The following CROCC variants were observed in gnomAD, a reference collection of about 807,000 sequenced individuals.
CROCC encodes ciliary rootlet coiled-coil, rootletin.
A neutral mutation model predicts 245.2 loss-of-function variants in CROCC; 180 were observed. The observed-to-expected ratio is 0.73, with a 90% confidence interval of 0.65 to 0.83. The LOEUF is 0.83. Among genes scored for constraint, CROCC ranks in the 40% least tolerant of loss-of-function variants. CROCC has a pLI of 0.00. For missense variants in CROCC, 2,688 were observed against 2,779.4 expected (o/e 0.97, Z 0.74); for synonymous variants, 1,205 against 1,241.6 (o/e 0.97, Z 0.62).
chr1:16,946,766 GGAA>G lies in CROCC; in HGVS notation c.2293_2295del (p.Glu765del). 6.4e-7 allele frequency: 1 copy of G among 1,551,406 alleles called. No individual in the cohort carries two copies. The highest frequency in any genetic ancestry group is 2.0e-5 in the Admixed American group (1 of 51,010). The stretch of plus-strand genomic sequence containing the variant: ...CACTCCTACCTGGCCTCCAGCTGGA[GGAA>G]GAAAAGTCCGCCCTGCAGGGCCGGC... On this transcript the variant is annotated inframe_deletion, in exon 17 of 37. Transcript: ENST00000375541.
rs375987857 is a variant in CROCC, at chr1:16,914,909, G to A, written n.126-15377G>A. 1.1e-4 allele frequency among the ~76,000 whole-genome samples: 17 copies of A among 152,384 alleles called. No individual in the cohort carries two copies. In the East Asian group the frequency reaches 3.3e-3, roughly 29 times the overall value. On this transcript the variant is annotated intron_variant and non_coding_transcript_variant, in intron 1 of 8. Transcript: ENST00000466256. Reference sequence around the variant, plus strand: ...TTCAGGGTGCCATCTGTCTGTTTACGCCAGAAAACAGAGATTTCTGTTTTC... The same window carrying A: ...TTCAGGGTGCCATCTGTCTGTTTACACCAGAAAACAGAGATTTCTGTTTTC...
intron 12 of CROCC, among the ~76,000 whole-genome samples, chr1:16,939,403 T>C (rs2991725): frequency 9.9e-4 from 150 of 152,126 alleles, no homozygotes; most frequent in African/African-American, 3.5e-3. Flanking sequence ...CTTGGGCAGC[T>C]GGTGGAGGGA....
At chr1:16,938,779 C>A in intron 11 of CROCC, 130 bp from the exon 12 acceptor site, 1 of 953,332 alleles carries the variant, frequency 1.0e-6, no homozygotes, top group Non-Finnish European at 1.6e-6. Context: ...GAGGTGAAAT[C>A]AGGAAGGCTT....
intron 13 of CROCC, among the ~76,000 whole-genome samples, chr1:16,941,790 A>G (rs1206732728): frequency 6.6e-6 from 1 of 152,060 alleles, no homozygotes; most frequent in Non-Finnish European, 1.5e-5. Flanking sequence ...CATTTCAAGC[A>G]CTCATCAACC....
chr1:16,918,680 A>G (rs1353006616), upstream of CROCC, among the ~76,000 whole-genome samples: 2 of 150,978 alleles, frequency 1.3e-5, no homozygotes, highest in African/African-American at 4.9e-5. Flanking sequence ...GAGGTAGAAG[A>G]GTGGGCGTCC....
At chr1:16,932,311 A>G (rs1171677142) in intron 8 of CROCC, among the ~76,000 whole-genome samples, 3 of 152,224 alleles carry the variant, frequency 2.0e-5, no homozygotes, top group African/African-American at 7.2e-5. Flanking sequence ...ATAGTGGTGC[A>G]TGCCTGTAAT....
intron 13 of CROCC, among the ~76,000 whole-genome samples, chr1:16,942,400 T>C (rs1262780462): frequency 1.3e-5 from 2 of 152,298 alleles, no homozygotes; most frequent in Non-Finnish European, 2.9e-5. Flanking sequence ...AACCATCTAA[T>C]GAAAAGTTTG....
Position 16,930,316 on chromosome 1 carries a change from G to A in CROCC, c.652G>A (p.Ala218Thr), listed in dbSNP as rs372750456. Residue 218 changes from alanine to threonine, a missense_variant, in exon 6 of 37, where the codon GCC becomes ACC. Physicochemically the swap from Ala to Thr is moderately conservative, Grantham distance 58 (BLOSUM62 0). Around this residue, in one of 9 missense-constraint regions of CROCC, gnomAD observed 972 missense variants for 895.3 expected, o/e 1.09. Coordinates refer to ENST00000375541, the MANE Select transcript of CROCC (RefSeq NM_014675.5). Reference sequence around the variant, plus strand: ...AGAGCACAGCCAAGACCTGGAAAGCGCCCTCATCCGGCTGGAGGAGGAGCA... The same window carrying A: ...AGAGCACAGCCAAGACCTGGAAAGCACCCTCATCCGGCTGGAGGAGGAGCA... ...DTEHSQDLES[A>T]LIRLEEEQQR... 4.4e-5 allele frequency: 71 copies of A among 1,608,552 alleles called. No homozygotes were observed. Among genetic ancestry groups the A allele is most frequent in the Middle Eastern group, 2.1e-4 (1 of 4,724 alleles).
Position 16,922,803 on chromosome 1 carries a change from C to A in CROCC, c.196+5C>A. 1 of 1,610,140 alleles carries A rather than the reference C, an allele frequency of 6.2e-7. No individual in the cohort carries two copies. ...TCTCCCAGCCTGAGAGCCCAGGTGC[C>A]ACCCCCATCCGCTCCCCTCCACAAA... On this transcript the variant is annotated splice_donor_5th_base_variant and intron_variant, in intron 2 of 36. Transcript: ENST00000375541.
chr1:16,971,210 A>AGTGTGTGTGT (rs34364208), intron 35 of CROCC, among the ~76,000 whole-genome samples: 16 of 144,024 alleles, frequency 1.1e-4, no homozygotes, highest in Non-Finnish European at 1.8e-4. Flanking sequence ...ATGATGTCTG[A>AGTGTGTGTGT]GTGTGTGTGT....
In CROCC at chr1:16,966,610, C is replaced by A; in HGVS notation, c.4860+39C>A. 6.9e-7 allele frequency: 1 copy of A among 1,449,156 alleles called. No individual in the cohort carries two copies. Among genetic ancestry groups the A allele is most frequent in the East Asian group, 2.5e-5 (1 of 39,642 alleles). The allele number at this position is 1,449,156 out of a possible 1,614,324, so 89.8% of individuals were successfully genotyped here. A position where few individuals can be genotyped will look rare whatever the true frequency, so the allele number is the denominator to read the frequency against. On this transcript the variant is annotated intron_variant, in intron 30 of 36. Coordinates refer to ENST00000375541, the MANE Select transcript of CROCC (RefSeq NM_014675.5). The surrounding 1 kb of genome is among the most constrained non-coding windows in gnomAD (Gnocchi z 4.8). Reference sequence around the variant, plus strand: ...GAGGGCCAGCGGGGCGACGGGGAATCTGTGTACCCGAGTGAGTGTCTAACT... The same window carrying A: ...GAGGGCCAGCGGGGCGACGGGGAATATGTGTACCCGAGTGAGTGTCTAACT...
At chr1:16,935,306 C>T (rs1378202173) in intron 8 of CROCC, among the ~76,000 whole-genome samples, 35 of 152,338 alleles carry the variant, frequency 2.3e-4, no homozygotes, top group Non-Finnish European at 4.1e-4. Context: ...TTTGCATATA[C>T]GCCTGGTAAA....
rs570075704 is a variant in CROCC, at chr1:16,927,727, C to T, written c.352-2119C>T. Among the ~76,000 whole-genome samples the T allele has an allele frequency of 1.5e-4, 23 of 152,392 alleles. No homozygotes were observed. The East Asian group carries it at 3.9e-3, about 26-fold the overall frequency. On this transcript the variant is annotated intron_variant, in intron 3 of 36. Coordinates refer to ENST00000375541, the MANE Select transcript of CROCC (RefSeq NM_014675.5). ...CACAGCCTGTGTGGCTGCCTCAGGC[C>T]ACCGCCACCACACACAGATGTGGAC...
chr1:16,953,233 C>A, intron 20 of CROCC, 69 bp from the exon 21 acceptor site: 1 of 1,436,124 alleles, frequency 7.0e-7, no homozygotes, highest in Non-Finnish European at 9.4e-7. Context: ...TCTTGCTGCC[C>A]TGATGTTTTG....
intron 15 of CROCC, 119 bp from the exon 16 acceptor site, chr1:16,946,140 C>A: frequency 8.6e-7 from 1 of 1,156,140 alleles, no homozygotes; most frequent in Non-Finnish European, 1.2e-6. Context: ...ACACTGTGTC[C>A]CCTCCTTGTC....
rs766449868 is a variant in CROCC, at chr1:16,931,416, CG to C, written c.956+23del. The C allele has an allele frequency of 1.4e-5, 22 of 1,598,944 alleles. No individual in the cohort carries two copies. The South Asian group carries it at 2.4e-4, about 18-fold the overall frequency. ...CTGAGAGGTGAGGCCTGGCCGGGGA[CG>C]GGGCAGCAGCTGAGAGCCAGCCCTG... On this transcript the variant is annotated intron_variant, in intron 8 of 36. Transcript: ENST00000375541.
chr1:16,964,065 TGC>T (rs935539794), intron 27 of CROCC, among the ~76,000 whole-genome samples: 88 of 151,870 alleles, frequency 5.8e-4, no homozygotes, highest in African/African-American at 2.1e-3. Flanking sequence ...CCCACCAGAG[TGC>T]TGGGATTACA....
upstream of CROCC, among the ~76,000 whole-genome samples, chr1:16,919,926 C>T (rs1331562936): frequency 6.6e-6 from 1 of 152,266 alleles, no homozygotes. Flanking sequence ...GACTCTTGCC[C>T]TGTCACCCAG....
intron 3 of CROCC, among the ~76,000 whole-genome samples, chr1:16,927,709 T>C (rs2075567442): frequency 6.6e-6 from 1 of 152,296 alleles, no homozygotes; most frequent in Non-Finnish European, 1.5e-5. Context: ...GTGCACAGCC[T>C]GTGTGGCTGC....
Sources: allele counts gnomAD v4.1 joint callset (sites outside exome capture counted in the v4.1 genomes callset), GRCh38; gene constraint gnomAD v4.1.1; regional missense constraint gnomAD v4.1.1; non-coding constraint Gnocchi (gnomAD v3.1); transcripts MANE v1.5; gene names NCBI Gene and HGNC (gene_info 2026-07-23, HGNC 2026-07-21).